The following ERBB4 variants were observed in gnomAD, a reference collection of about 807,000 sequenced individuals.
The protein encoded by ERBB4 is erb-b2 receptor tyrosine kinase 4, also known as receptor tyrosine-protein kinase erbB-4.
Under a neutral mutation model 158.0 loss-of-function variants are expected in ERBB4, and 42 were observed. The ratio of observed to expected loss-of-function variants is 0.27; its 90% CI spans 0.21 to 0.34. The LOEUF is 0.34. Ranked by LOEUF, ERBB4 falls within the 10% of genes least tolerant of loss-of-function variation. The pLI is 1.00. For synonymous variants in ERBB4, 583 were observed against 558.7 expected, an observed-to-expected ratio of 1.04 and a Z score of -0.61; for missense variants, 1,333 against 1,624.1, an observed-to-expected ratio of 0.82 and a Z score of 3.08.
intron 20 of ERBB4, among the ~76,000 whole-genome samples, chr2:211,552,315 G>A (rs2067119266): frequency 6.6e-6 from 1 of 152,022 alleles, no homozygotes; most frequent in Non-Finnish European, 1.5e-5. Context: ...GGTAGAATCA[G>A]TCTGTTTGCA....
Position 211,814,919 on chromosome 2 carries a change from G to T in ERBB4, c.422-26760C>A, listed in dbSNP as rs1325363752. Among the ~76,000 whole-genome samples the T allele has an allele frequency of 3.3e-5, 5 of 152,262 alleles. No individual in the cohort carries two copies. The East Asian group carries it at 7.7e-4, about 24-fold the overall frequency. Reference sequence around the variant, plus strand: ...TTACATATGCCACATTTATACACATGAATACACCATTACAAACTGATGGAA... The same window carrying T: ...TTACATATGCCACATTTATACACATTAATACACCATTACAAACTGATGGAA... On this transcript the variant is annotated intron_variant, in intron 3 of 27. Transcript: ENST00000342788.
At chr2:211,650,796 T>C (rs1452341908) in intron 16 of ERBB4, among the ~76,000 whole-genome samples, 3 of 152,230 alleles carry the variant, frequency 2.0e-5, no homozygotes, top group Admixed American at 6.5e-5. Context: ...CCCATATTAT[T>C]AACATTTCAA....
intron 16 of ERBB4, among the ~76,000 whole-genome samples, chr2:211,637,990 A>T (rs2070424273): frequency 6.6e-6 from 1 of 151,958 alleles, no homozygotes; most frequent in Admixed American, 6.6e-5. Context: ...ATATTTAGTT[A>T]TATCTTAATA....
intron 1 of ERBB4, among the ~76,000 whole-genome samples, chr2:212,183,553 T>C (rs2081934699): frequency 6.6e-6 from 1 of 152,016 alleles, no homozygotes; most frequent in South Asian, 2.1e-4. Flanking sequence ...AAACAACATT[T>C]ATCTTGAATT....
At chr2:212,442,999 T>C (rs1289749354) in intron 1 of ERBB4, among the ~76,000 whole-genome samples, 2 of 152,230 alleles carry the variant, frequency 1.3e-5, no homozygotes, top group East Asian at 3.9e-4. Context: ...GTGACTCCAA[T>C]TGCAGCTCTT....
chr2:212,204,853 T>C (rs903121613), intron 1 of ERBB4, among the ~76,000 whole-genome samples: 1 of 148,164 alleles, frequency 6.7e-6, no homozygotes, highest in Non-Finnish European at 1.5e-5. Flanking sequence ...AGTTTTACTC[T>C]TGTTGCCCAG....
intron 1 of ERBB4, among the ~76,000 whole-genome samples, chr2:212,127,556 C>A (rs745401400): frequency 6.6e-6 from 1 of 152,132 alleles, no homozygotes; most frequent in Non-Finnish European, 1.5e-5. Context: ...TGCGCCACTG[C>A]ACTCCAGCCT....
chr2:212,193,030 C>T (rs2082319848), intron 1 of ERBB4, among the ~76,000 whole-genome samples: 1 of 152,132 alleles, frequency 6.6e-6, no homozygotes. Flanking sequence ...CAATTAACGG[C>T]AGGAAAAATG....
chr2:211,406,692 G>A (rs554392649), intron 25 of ERBB4, among the ~76,000 whole-genome samples: 22 of 151,948 alleles, frequency 1.4e-4, no homozygotes, highest in Admixed American at 4.6e-4. Flanking sequence ...GCTGTGCCTC[G>A]GTTTACCCAC....
At chr2:212,055,107 C>G (rs1261509802) in intron 2 of ERBB4, among the ~76,000 whole-genome samples, 1 of 152,172 alleles carries the variant, frequency 6.6e-6, no homozygotes, top group Non-Finnish European at 1.5e-5. Flanking sequence ...CACCCTAATA[C>G]TGTGCTTTTC....
At chr2:211,471,057 G>A (rs763609432) in intron 20 of ERBB4, among the ~76,000 whole-genome samples, 21 of 152,158 alleles carry the variant, frequency 1.4e-4, no homozygotes, top group Non-Finnish European at 2.6e-4. Context: ...TGTCATGAAA[G>A]TAGTATGGCT....
intron 1 of ERBB4, among the ~76,000 whole-genome samples, chr2:212,276,962 C>T (rs1051738018): frequency 6.6e-6 from 1 of 151,716 alleles, no homozygotes; most frequent in Non-Finnish European, 1.5e-5. Flanking sequence ...AACCGGCAAC[C>T]TTAGCATAAT....
At chr2:211,637,924 ATAG>A in intron 16 of ERBB4, among the ~76,000 whole-genome samples, 1 of 152,030 alleles carries the variant, frequency 6.6e-6, no homozygotes, top group East Asian at 1.9e-4. Flanking sequence ...TCTATGCTTG[ATAG>A]TAGAGAATAC....
chr2:212,104,991 T>A (rs2079183629), intron 2 of ERBB4, among the ~76,000 whole-genome samples: 1 of 151,784 alleles, frequency 6.6e-6, no homozygotes. Flanking sequence ...GTAGAATTCA[T>A]CAGACATCAA....
intron 1 of ERBB4, among the ~76,000 whole-genome samples, chr2:212,140,471 A>G (rs1432521112): frequency 6.8e-6 from 1 of 147,648 alleles, no homozygotes; most frequent in Non-Finnish European, 1.5e-5. Context: ...TTCTAAATTT[A>G]TACTAGTTTT....
chr2:212,009,995 C>T (rs1432800365), intron 2 of ERBB4, among the ~76,000 whole-genome samples: 2 of 152,146 alleles, frequency 1.3e-5, no homozygotes, highest in Non-Finnish European at 2.9e-5. Flanking sequence ...CCATAACTTC[C>T]GTTTTAAAAT....
intron 12 of ERBB4, among the ~76,000 whole-genome samples, chr2:211,686,458 T>C (rs991181599): frequency 9.8e-5 from 15 of 152,340 alleles, no homozygotes; most frequent in African/African-American, 3.6e-4. Context: ...CATTTGGTTA[T>C]GTTGTATAAT....
chr2:211,620,965 A>AT (rs2069578556), intron 18 of ERBB4, among the ~76,000 whole-genome samples: 1 of 151,936 alleles, frequency 6.6e-6, no homozygotes, highest in South Asian at 2.1e-4. Context: ...AAATTTAAAA[A>AT]TGAGCTGAGT....
chr2:212,165,399 G>C (rs901801004), intron 1 of ERBB4, among the ~76,000 whole-genome samples: 1 of 151,660 alleles, frequency 6.6e-6, no homozygotes, highest in Non-Finnish European at 1.5e-5. Flanking sequence ...CATAATCCCA[G>C]CCCTGAGGGT....
Sources: allele counts gnomAD v4.1 joint callset (sites outside exome capture counted in the v4.1 genomes callset), GRCh38; gene constraint gnomAD v4.1.1; transcripts MANE v1.5; gene names NCBI Gene and HGNC (gene_info 2026-07-23, HGNC 2026-07-21).